Variants in GPC6 observed in about 807,000 individuals in gnomAD.
GPC6 encodes the protein glypican-6.
In GPC6, 14 loss-of-function variants were observed where a neutral mutation model predicts 55.2. The ratio of observed to expected loss-of-function variants is 0.25; its 90% CI spans 0.17 to 0.40. The LOEUF (loss-of-function observed/expected upper bound fraction) is 0.40. Ranked by LOEUF, GPC6 falls within the 10% of genes least tolerant of loss-of-function variation. GPC6 has a pLI of 1.00. For synonymous variants in GPC6, 278 were observed against 259.6 expected (o/e 1.07, Z -0.68); for missense variants, 641 against 708.5 (o/e 0.90, Z 1.08).
chr13:94,281,883 C>A (rs143607680), intron 4 of GPC6, among the ~76,000 whole-genome samples: 2 of 152,326 alleles, frequency 1.3e-5, no homozygotes, highest in Non-Finnish European at 2.9e-5. Context: ...AAAGCAAATT[C>A]TCTGTTCCCT....
chr13:93,785,495 C>T (rs936547209), intron 2 of GPC6, among the ~76,000 whole-genome samples: 6 of 152,054 alleles, frequency 3.9e-5, no homozygotes, highest in Admixed American at 6.6e-5. Context: ...TTGTTTCTGA[C>T]ACAGATGGTA....
chr13:94,342,947 G>A (rs1440569855), intron 6 of GPC6, among the ~76,000 whole-genome samples: 2 of 152,186 alleles, frequency 1.3e-5, no homozygotes, highest in Non-Finnish European at 1.5e-5. Context: ...CTGATTCACT[G>A]GATGGCCAAT....
chr13:93,989,948 T>G (rs1283654031), intron 3 of GPC6, among the ~76,000 whole-genome samples: 1 of 148,502 alleles, frequency 6.7e-6, no homozygotes, highest in Non-Finnish European at 1.5e-5. Flanking sequence ...ATATATATTC[T>G]TTTCTTTGTA....
intron 2 of GPC6, among the ~76,000 whole-genome samples, chr13:93,748,990 C>G (rs1374221776): frequency 6.6e-6 from 1 of 151,960 alleles, no homozygotes; most frequent in Non-Finnish European, 1.5e-5. Flanking sequence ...TAAAATGAGG[C>G]TCTCAGTTGG....
At chr13:93,394,266 G>T (rs527278115) in intron 1 of GPC6, among the ~76,000 whole-genome samples, 1 of 152,222 alleles carries the variant, frequency 6.6e-6, no homozygotes, top group Admixed American at 6.5e-5. Context: ...TTACTTGCAC[G>T]CCTTCCACAT....
At chr13:93,529,547 A>C in intron 1 of GPC6, among the ~76,000 whole-genome samples, 1 of 116,054 alleles carries the variant, frequency 8.6e-6, no homozygotes, top group African/African-American at 3.5e-5. Context: ...ATGGAGTCTC[A>C]CTCTGTCACC....
intron 4 of GPC6, among the ~76,000 whole-genome samples, chr13:94,187,554 C>T (rs538434137): frequency 1.7e-3 from 262 of 152,162 alleles, no homozygotes; most frequent in Non-Finnish European, 3.1e-3. Flanking sequence ...TCCAACATCC[C>T]CCAAATTTCT....
chr13:93,882,952 G>C (rs1268355092), intron 3 of GPC6, among the ~76,000 whole-genome samples: 3 of 152,166 alleles, frequency 2.0e-5, no homozygotes, highest in Admixed American at 1.3e-4. Context: ...AACGTCCCTT[G>C]TATTATTACG....
At chr13:94,166,918 T>C (rs2138922905) in intron 4 of GPC6, among the ~76,000 whole-genome samples, 1 of 152,326 alleles carries the variant, frequency 6.6e-6, no homozygotes, top group South Asian at 2.1e-4. Flanking sequence ...GTTATTTTGG[T>C]AAAGTTGATT....
At chr13:93,820,790 GTC>G (rs1431593314) in intron 2 of GPC6, among the ~76,000 whole-genome samples, 7 of 151,708 alleles carry the variant, frequency 4.6e-5, no homozygotes, top group African/African-American at 1.7e-4. Context: ...ATTTAGGAGT[GTC>G]TCACTTTAAA....
chr13:94,173,031 C>G (rs1162125872), intron 4 of GPC6, among the ~76,000 whole-genome samples: 2 of 152,120 alleles, frequency 1.3e-5, no homozygotes, highest in Non-Finnish European at 2.9e-5. Context: ...GATGTGTTGA[C>G]TAGAAAAACA....
intron 3 of GPC6, among the ~76,000 whole-genome samples, chr13:94,015,683 G>T (rs913186419): frequency 6.6e-6 from 1 of 152,144 alleles, no homozygotes; most frequent in East Asian, 1.9e-4. Flanking sequence ...ATGGTATGAG[G>T]TAGGGTAGGT....
chr13:93,578,447 A>G (rs1876772209), intron 2 of GPC6, among the ~76,000 whole-genome samples: 1 of 151,868 alleles, frequency 6.6e-6, no homozygotes, highest in Non-Finnish European at 1.5e-5. Context: ...CTAGGAATTT[A>G]TTCATTTTCT....
rs866025277 is a variant in GPC6 at position 93,684,778 on chromosome 13, A to G, written c.319+139357A>G. Among the ~76,000 whole-genome samples the G allele has an allele frequency of 6.6e-5, 10 of 152,210 alleles. No individual in the cohort carries two copies. In the South Asian group the frequency reaches 1.7e-3, roughly 25 times the overall value. ...TTACAAAATACTCTAAATGTTAAAA[A>G]AAAGAAGGATAGCATTTAAAACTCT... On this transcript the variant is annotated intron_variant, in intron 2 of 8. Transcript: ENST00000377047.
At chr13:94,390,397 G>A (rs1880591129) in intron 7 of GPC6, among the ~76,000 whole-genome samples, 1 of 152,078 alleles carries the variant, frequency 6.6e-6, no homozygotes, top group South Asian at 2.1e-4. Context: ...ACTGAGAGTG[G>A]GTAACTTATA....
intron 4 of GPC6, among the ~76,000 whole-genome samples, chr13:94,210,555 A>G (rs1890047010): frequency 6.6e-6 from 1 of 152,228 alleles, no homozygotes; most frequent in Admixed American, 6.5e-5. Flanking sequence ...TATGTCATAT[A>G]TACATGAAAT....
chr13:94,184,463 T>TA (rs1307368381), intron 4 of GPC6, among the ~76,000 whole-genome samples: 4 of 151,414 alleles, frequency 2.6e-5, no homozygotes, highest in South Asian at 4.2e-4. Flanking sequence ...ATAACCCCAT[T>TA]AAAAAAATGG....
intron 1 of GPC6, among the ~76,000 whole-genome samples, chr13:93,317,058 G>T (rs556180446): frequency 2.0e-5 from 3 of 152,132 alleles, no homozygotes; most frequent in South Asian, 4.1e-4. Context: ...TGTTAGGGGA[G>T]GTTTAGTAAT....
chr13:93,746,970 A>T lies in GPC6; in HGVS notation c.320-83184A>T, dbSNP rs78174525. 6.1e-3 allele frequency among the ~76,000 whole-genome samples: 930 copies of T among 152,354 alleles called. 5 individuals carry two copies. The highest frequency in any genetic ancestry group is 8.2e-3 in the Non-Finnish European group (560 of 68,028). On this transcript the variant is annotated intron_variant, in intron 2 of 8. Coordinates refer to ENST00000377047, the MANE Select transcript of GPC6 (RefSeq NM_005708.5). ...AAGAAAATTTTGAAGACATATGTGA[A>T]CATGTTCAAAGGCTTTTAATAAATA...
Sources: allele counts gnomAD v4.1 joint callset (sites outside exome capture counted in the v4.1 genomes callset), GRCh38; gene constraint gnomAD v4.1.1; transcripts MANE v1.5; gene names NCBI Gene and HGNC (gene_info 2026-07-23, HGNC 2026-07-21).